LMAN2L: variants seen among roughly 807,000 people sequenced by gnomAD.
The protein encoded by LMAN2L is VIP36-like protein.
LMAN2L carries 30 observed loss-of-function variants against 44.3 expected under a neutral mutation model. That is an observed-to-expected ratio of 0.68 (90% CI 0.51 to 0.92). The LOEUF is 0.92. LMAN2L is among the 40% of genes least tolerant of loss of function. LMAN2L has a pLI of 0.00. For synonymous variants in LMAN2L, 183 were observed against 171.1 expected, an observed-to-expected ratio of 1.07 and a Z score of -0.54; for missense variants, 429 against 446.1, an observed-to-expected ratio of 0.96 and a Z score of 0.35.
chr2:96,738,000 G>T lies in LMAN2L; in HGVS notation c.255C>A (p.Ile85=), dbSNP rs1230268732. Residue 85 remains isoleucine (I), a synonymous_variant, in exon 2 of 8, where the codon ATC becomes ATA. Coordinates refer to ENST00000264963, the MANE Select transcript of LMAN2L (RefSeq NM_030805.4). ...TACTTTGCATATCTGGGGTAAGGCG[G>T]ATATACTGGGTCATCACCATGGCAT... ...MGNAMVMTQY[I]RLTPDMQSKQ... is the part of the protein sequence containing the mutation. 6.2e-7 allele frequency: 1 copy of T among 1,614,038 alleles called. No homozygotes were observed. Among genetic ancestry groups the T allele is most frequent in the South Asian group, 1.1e-5 (1 of 91,082 alleles).
intron 6 of LMAN2L, among the ~76,000 whole-genome samples, chr2:96,708,838 C>T (rs1338368041): frequency 2.0e-5 from 3 of 151,256 alleles, no homozygotes; most frequent in Non-Finnish European, 4.4e-5. Context: ...CTAGATTTCT[C>T]TCTTTAAAGT....
intron 4 of LMAN2L, among the ~76,000 whole-genome samples, chr2:96,728,243 T>C (rs1199811888): frequency 1.3e-5 from 2 of 152,090 alleles, no homozygotes; most frequent in Non-Finnish European, 2.9e-5. Flanking sequence ...ATCCCAGCAC[T>C]TTGGGAGACC....
intron 2 of LMAN2L, 68 bp from the exon 3 acceptor site, chr2:96,734,594 C>T: frequency 2.1e-6 from 2 of 957,562 alleles, no homozygotes; most frequent in Non-Finnish European, 3.4e-6. Flanking sequence ...CCCACATCAG[C>T]AATCAACAGA....
At chr2:96,737,004 C>T (rs1053263539) in intron 2 of LMAN2L, 9 of 346,380 alleles carry the variant, frequency 2.6e-5, no homozygotes, top group Admixed American at 8.9e-5. Flanking sequence ...AGAAAAGCCA[C>T]GTAAAAAAGT....
chr2:96,708,346 T>A (rs944756294), intron 6 of LMAN2L, among the ~76,000 whole-genome samples: 1 of 152,234 alleles, frequency 6.6e-6, no homozygotes, highest in African/African-American at 2.4e-5. Context: ...GGCTTTGTGT[T>A]AGATGATTTT....
At chr2:96,718,231 C>A (rs1287546888) in intron 4 of LMAN2L, among the ~76,000 whole-genome samples, 1 of 152,350 alleles carries the variant, frequency 6.6e-6, no homozygotes, top group East Asian at 1.9e-4. Context: ...GCTGGGATTA[C>A]AGGCGTGAGC....
chr2:96,733,830 AC>A (rs1381089297), intron 3 of LMAN2L, among the ~76,000 whole-genome samples: 2 of 152,190 alleles, frequency 1.3e-5, no homozygotes, highest in Non-Finnish European at 2.9e-5. Context: ...AGAGAAGGCC[AC>A]TGCAACCTTA....
Position 96,739,859 on chromosome 2 carries a change from T to C in LMAN2L, c.182A>G (p.Tyr61Cys), listed in dbSNP as rs1336700137. 2 of 1,613,480 alleles carry C rather than the reference T, an allele frequency of 1.2e-6. No individual in the cohort carries two copies. Among genetic ancestry groups the C allele is most frequent in the Non-Finnish European group, 1.7e-6 (2 of 1,180,008 alleles). Residue 61 changes from tyrosine to cysteine, a missense_variant, in exon 1 of 8, where the codon TAC becomes TGC. Coordinates refer to ENST00000264963, the MANE Select transcript of LMAN2L (RefSeq NM_030805.4). ...LKREHSLSKP[Y>C]QGVGTGSSSL... is the part of the protein sequence containing the mutation. ...CCTCACCCTGGGCGCCTCACCCTGG[T>C]AGGGCTTCGACAGCGAGTGCTCCCG...
At chr2:96,716,451 C>T (rs2078042178) in intron 4 of LMAN2L, among the ~76,000 whole-genome samples, 3 of 152,166 alleles carry the variant, frequency 2.0e-5, no homozygotes, top group Admixed American at 2.0e-4. Context: ...CCATCTCAAA[C>T]CATACCATTG....
At chr2:96,720,790 T>C (rs1230295785) in intron 4 of LMAN2L, among the ~76,000 whole-genome samples, 1 of 151,898 alleles carries the variant, frequency 6.6e-6, no homozygotes, top group African/African-American at 2.4e-5. Context: ...AATACAAAAA[T>C]TAGCCAGGCG....
rs796314427 is a variant in LMAN2L, at chr2:96,719,597, A to T, written c.508-7572T>A. Among the ~76,000 whole-genome samples, 37 of 149,948 alleles carry T rather than the reference A, an allele frequency of 2.5e-4. 1 individual carries two copies. Among genetic ancestry groups the T allele is most frequent in the Admixed American group, 8.6e-4 (13 of 15,182 alleles). ...ACCGTATCTCTACAAAAAAAAAAAA[A>T]TTTTTTTTCTTTTTTTGACACAGAG... is the stretch of plus-strand genomic sequence containing the variant. On this transcript the variant is annotated intron_variant, in intron 4 of 7. Coordinates refer to ENST00000264963, the MANE Select transcript of LMAN2L (RefSeq NM_030805.4).
At chr2:96,731,623 C>A (rs1317492369) in intron 4 of LMAN2L, among the ~76,000 whole-genome samples, 14 of 151,766 alleles carry the variant, frequency 9.2e-5, no homozygotes, top group African/African-American at 3.1e-4. Context: ...GCACTCCAGC[C>A]TGGAGACGAG....
rs765945919 is a variant in LMAN2L, at chr2:96,740,019, G to C, written c.22C>G (p.Leu8Val). Residue 8 changes from leucine (L) to valine (V), a missense_variant, in exon 1 of 8, where the codon CTT becomes GTT. Coordinates refer to ENST00000264963, the MANE Select transcript of LMAN2L (RefSeq NM_030805.4). The part of the protein sequence containing the change: MAATLGP[L>V]GSWQQWRRCL... Reference sequence around the variant, plus strand: ...CGCCGCCACTGCTGCCACGACCCAAGGGGTCCCAGAGTCGCCGCCATCTTT... The same window carrying C: ...CGCCGCCACTGCTGCCACGACCCAACGGGTCCCAGAGTCGCCGCCATCTTT... 6.2e-7 allele frequency: 1 copy of C among 1,612,226 alleles called. No individual in the cohort carries two copies. Among genetic ancestry groups the C allele is most frequent in the Non-Finnish European group, 8.5e-7 (1 of 1,179,658 alleles).
chr2:96,740,005 C>T lies in LMAN2L; in HGVS notation c.36G>A (p.Gln12=). ...AATLGPLGSW[Q]QWRRCLSARD... ...GAGCCGACAAACATCGCCGCCACTG[C>T]TGCCACGACCCAAGGGGTCCCAGAG... The change falls in exon 1 of 8, where the codon CAG becomes CAA. Residue 12 remains glutamine, a synonymous_variant. Coordinates refer to ENST00000264963, the MANE Select transcript of LMAN2L (RefSeq NM_030805.4). The T allele has an allele frequency of 4.3e-6, 7 of 1,613,454 alleles. No individual in the cohort carries two copies. The highest frequency in any genetic ancestry group is 5.9e-6 in the Non-Finnish European group (7 of 1,179,996).
At chr2:96,721,645 A>AT (rs1015162000) in intron 4 of LMAN2L, among the ~76,000 whole-genome samples, 45 of 150,968 alleles carry the variant, frequency 3.0e-4, no homozygotes, top group African/African-American at 4.1e-4. Flanking sequence ...GGACCAGCTA[A>AT]TTTTTTTTGT....
At chr2:96,726,577 G>C (rs1285418818) in intron 4 of LMAN2L, among the ~76,000 whole-genome samples, 3 of 152,056 alleles carry the variant, frequency 2.0e-5, no homozygotes, top group African/African-American at 7.2e-5. Context: ...GAGGTCAGGA[G>C]TTTGAGACCA....
At chr2:96,715,395 T>C (rs2078020009) in intron 4 of LMAN2L, among the ~76,000 whole-genome samples, 1 of 152,206 alleles carries the variant, frequency 6.6e-6, no homozygotes, top group Non-Finnish European at 1.5e-5. Context: ...CTCACATTAG[T>C]GTAAGTCACT....
At chr2:96,733,101 A>G (rs901257983) in intron 4 of LMAN2L, among the ~76,000 whole-genome samples, 6 of 152,158 alleles carry the variant, frequency 3.9e-5, no homozygotes, top group Non-Finnish European at 8.8e-5. Flanking sequence ...TCTGAGAAGA[A>G]GAAGAAGAAA....
At chr2:96,735,624 G>C (rs924460363) in intron 2 of LMAN2L, among the ~76,000 whole-genome samples, 2 of 152,110 alleles carry the variant, frequency 1.3e-5, no homozygotes, top group African/African-American at 4.8e-5. Context: ...AGATCACAAG[G>C]TCAGGAGATC....
Sources: gnomAD v4.1 joint callset for allele counts (sites outside exome capture counted in the v4.1 genomes callset) on GRCh38, gnomAD v4.1.1 for gene constraint, MANE v1.5 for transcripts, NCBI Gene and HGNC (gene_info 2026-07-23, HGNC 2026-07-21) for gene names.